Variants in AFG2A observed in about 807,000 individuals in gnomAD.
AFG2A encodes the protein ATPase family gene 2 protein homolog A.
chr4:123,051,640 CTTTTTTTTTTT>C, the AFG2A span, among the ~76,000 whole-genome samples: 10 of 96,052 alleles, frequency 1.0e-4, no homozygotes, highest in African/African-American at 4.3e-4. Flanking sequence ...ATTTCCTCAG[CTTTTTTTTTTT>C]TTTTTTTTTG....
the AFG2A span, among the ~76,000 whole-genome samples, chr4:123,179,510 G>A: frequency 3.7e-4 from 56 of 152,164 alleles, no homozygotes; most frequent in East Asian, 6.4e-3. Flanking sequence ...GTCACACCTG[G>A]CTAATTTATT....
At chr4:123,126,364 GCTTA>G in the AFG2A span, among the ~76,000 whole-genome samples, 1 of 151,762 alleles carries the variant, frequency 6.6e-6, no homozygotes, top group Admixed American at 6.6e-5. Flanking sequence ...TTTTTCTCTA[GCTTA>G]CTTGTCTTCT....
At chr4:122,963,530 T>C in the AFG2A span, among the ~76,000 whole-genome samples, 1 of 152,150 alleles carries the variant, frequency 6.6e-6, no homozygotes, top group African/African-American at 2.4e-5. Flanking sequence ...GAGGTTCTCT[T>C]TATTTTGTAG....
the AFG2A span, among the ~76,000 whole-genome samples, chr4:123,075,988 C>CAAAAAAAAAAAAA: frequency 7.5e-6 from 1 of 134,068 alleles, no homozygotes. Context: ...AAAAAAAAAA[C>CAAAAAAAAAAAAA]AAAAAAAAAA....
chr4:122,973,622 A>G, the AFG2A span, among the ~76,000 whole-genome samples: 3 of 152,280 alleles, frequency 2.0e-5, no homozygotes, highest in African/African-American at 7.2e-5. Flanking sequence ...CAAACATTGC[A>G]ACAGATGTTT....
chr4:122,995,331 G>A, the AFG2A span, among the ~76,000 whole-genome samples: 4 of 151,886 alleles, frequency 2.6e-5, no homozygotes, highest in Non-Finnish European at 5.9e-5. Flanking sequence ...GCTTCTTGTT[G>A]TCTAGACAGA....
At chr4:123,282,369 C>A in the AFG2A span, among the ~76,000 whole-genome samples, 1 of 152,104 alleles carries the variant, frequency 6.6e-6, no homozygotes, top group South Asian at 2.1e-4. Flanking sequence ...GTTAGGACAG[C>A]TTTTTCACTC....
At chr4:123,136,681 A>T in the AFG2A span, among the ~76,000 whole-genome samples, 3,198 of 151,424 alleles carry the variant, frequency 0.021, 106 homozygotes, top group African/African-American at 0.073. Context: ...TCTCAAAAAA[A>T]AAAAATATAT....
the AFG2A span, among the ~76,000 whole-genome samples, chr4:123,101,904 C>A: frequency 6.6e-6 from 1 of 151,838 alleles, no homozygotes; most frequent in African/African-American, 2.4e-5. Flanking sequence ...AGAGTAAAGG[C>A]AGACAGATGG....
the AFG2A span, among the ~76,000 whole-genome samples, chr4:123,024,237 A>AG: frequency 6.6e-6 from 1 of 151,250 alleles, no homozygotes. Flanking sequence ...CAAAAAAAAA[A>AG]AAAAGAAACA....
chr4:123,299,324 C>G, the AFG2A span, among the ~76,000 whole-genome samples: 8 of 152,118 alleles, frequency 5.3e-5, no homozygotes, highest in Non-Finnish European at 1.0e-4. Context: ...CAAAACTGGT[C>G]TGGTTTCATT....
the AFG2A span, among the ~76,000 whole-genome samples, chr4:123,203,991 C>A: frequency 3.3e-5 from 5 of 152,190 alleles, no homozygotes; most frequent in Admixed American, 6.5e-5. Context: ...GGCTTGTAGT[C>A]TCTTCCTTCA....
At chr4:123,022,508 T>C in the AFG2A span, among the ~76,000 whole-genome samples, 1 of 150,148 alleles carries the variant, frequency 6.7e-6, no homozygotes, top group Non-Finnish European at 1.5e-5. Context: ...CCAGTTAGAA[T>C]GGCAATCATT....
At chr4:123,080,234 G>A in the AFG2A span, among the ~76,000 whole-genome samples, 2 of 152,200 alleles carry the variant, frequency 1.3e-5, no homozygotes, top group African/African-American at 4.8e-5. Flanking sequence ...TGGGATTAGT[G>A]CCTTTATAAC....
chr4:123,209,430 A>T, the AFG2A span, among the ~76,000 whole-genome samples: 2 of 152,026 alleles, frequency 1.3e-5, no homozygotes, highest in African/African-American at 4.8e-5. Context: ...TTTTTTTTTC[A>T]ACTCATATCC....
At chr4:123,153,451 A>G in the AFG2A span, among the ~76,000 whole-genome samples, 15 of 152,244 alleles carry the variant, frequency 9.9e-5, no homozygotes, top group African/African-American at 3.4e-4. Context: ...AACTTTTTGT[A>G]CCCATTTTTT....
chr4:122,986,286 G>A, the AFG2A span, among the ~76,000 whole-genome samples: 4 of 152,182 alleles, frequency 2.6e-5, no homozygotes, highest in African/African-American at 9.7e-5. Flanking sequence ...TATCAGTTAA[G>A]TCCATTTGTT....
At chr4:122,939,753 T>G in the AFG2A span, among the ~76,000 whole-genome samples, 444 of 152,204 alleles carry the variant, frequency 2.9e-3, 3 homozygotes, top group Non-Finnish European at 5.0e-3. Flanking sequence ...TTAGCATTAG[T>G]TATATCTCCT....
chr4:123,188,305 A>G, the AFG2A span, among the ~76,000 whole-genome samples: 38 of 152,278 alleles, frequency 2.5e-4, no homozygotes, highest in African/African-American at 8.7e-4. Context: ...TATTAAAACT[A>G]TAAGCCATTT....
Sources: gnomAD v4.1 joint callset for allele counts (sites outside exome capture counted in the v4.1 genomes callset) on GRCh38, gnomAD v4.1.1 for gene constraint, MANE v1.5 for transcripts, NCBI Gene and HGNC (gene_info 2026-07-23, HGNC 2026-07-21) for gene names.